The following LPIN1 variants were observed in gnomAD, a reference collection of about 807,000 sequenced individuals.
LPIN1 encodes the protein lipin 1, also known as phosphatidate phosphatase LPIN1.
A neutral mutation model predicts 107.5 loss-of-function variants in LPIN1; 71 were observed. The ratio of observed to expected loss-of-function variants is 0.66; its 90% CI spans 0.55 to 0.80. The LOEUF (loss-of-function observed/expected upper bound fraction) is 0.80. Ranked by LOEUF, LPIN1 falls within the 30% of genes least tolerant of loss-of-function variation. The pLI is 0.00. For missense variants in LPIN1, 1,043 were observed against 1,160.6 expected (o/e 0.90, Z 1.47); for synonymous variants, 445 against 452.6 (o/e 0.98, Z 0.21).
intron 1 of LPIN1, among the ~76,000 whole-genome samples, chr2:11,738,245 G>T (rs958236625): frequency 6.6e-6 from 1 of 151,986 alleles, no homozygotes; most frequent in Non-Finnish European, 1.5e-5. Context: ...GGGAGTGGGG[G>T]GCTAGGGGAG....
intron 5 of LPIN1, among the ~76,000 whole-genome samples, chr2:11,773,999 T>C (rs948591969): frequency 6.6e-6 from 1 of 152,152 alleles, no homozygotes; most frequent in African/African-American, 2.4e-5. Flanking sequence ...AGGAAAAACA[T>C]GTAAATTACA....
chr2:11,682,256 A>C (rs1037911036), intron 1 of LPIN1: 3 of 152,326 alleles, frequency 2.0e-5, no homozygotes, highest in Non-Finnish European at 4.4e-5. Context: ...ATAGGAAACC[A>C]CCTGGAAACC....
intron 1 of LPIN1, among the ~76,000 whole-genome samples, chr2:11,757,460 G>A (rs1002558530): frequency 6.6e-6 from 1 of 152,164 alleles, no homozygotes; most frequent in South Asian, 2.1e-4. Flanking sequence ...CCTTTTACTC[G>A]AAACATAACT....
At chr2:11,735,272 A>G (rs1387696743) in intron 1 of LPIN1, among the ~76,000 whole-genome samples, 5 of 150,318 alleles carry the variant, frequency 3.3e-5, no homozygotes, top group Middle Eastern at 3.2e-3. Flanking sequence ...AGCCCGGCTG[A>G]CAGAGTAAGA....
intron 18 of LPIN1, chr2:11,818,242 A>C (rs1368604064): frequency 6.6e-6 from 1 of 152,242 alleles, no homozygotes; most frequent in Non-Finnish European, 1.5e-5. Flanking sequence ...AATTGCAGTG[A>C]ATCTGTAGAG....
At chr2:11,795,725 T>C (rs1467272760) in intron 14 of LPIN1, among the ~76,000 whole-genome samples, 1 of 152,246 alleles carries the variant, frequency 6.6e-6, no homozygotes, top group African/African-American at 2.4e-5. Context: ...ATAATATAAC[T>C]AGAGCATTTC....
At chr2:11,752,541 C>T (rs1286488687) in intron 1 of LPIN1, among the ~76,000 whole-genome samples, 4 of 145,764 alleles carry the variant, frequency 2.7e-5, no homozygotes, top group East Asian at 2.0e-4. Flanking sequence ...ACGCCATTCT[C>T]CTGCCTCAGC....
intron 1 of LPIN1, among the ~76,000 whole-genome samples, chr2:11,753,740 C>T (rs958445680): frequency 3.9e-5 from 6 of 152,174 alleles, no homozygotes; most frequent in Non-Finnish European, 8.8e-5. Context: ...TCCTCTTTGC[C>T]GTAAGTGTAA....
At chr2:11,760,271 A>C (rs1669576621) in intron 1 of LPIN1, among the ~76,000 whole-genome samples, 1 of 152,180 alleles carries the variant, frequency 6.6e-6, no homozygotes. Flanking sequence ...CTCACTTCCC[A>C]GATGGGGTGG....
At chr2:11,719,439 G>A (rs1189894832), upstream of LPIN1, among the ~76,000 whole-genome samples, 1 of 152,186 alleles carries the variant, frequency 6.6e-6, no homozygotes, top group African/African-American at 2.4e-5. Context: ...CTCCCTCACT[G>A]AAGCCCCCTT....
At chr2:11,685,492 G>A (rs1661959014) in intron 1 of LPIN1, among the ~76,000 whole-genome samples, 1 of 152,194 alleles carries the variant, frequency 6.6e-6, no homozygotes, top group African/African-American at 2.4e-5. Flanking sequence ...GAAGGGTTTT[G>A]AACCATTTAC....
chr2:11,743,877 C>A (rs1666616576), upstream of LPIN1, among the ~76,000 whole-genome samples: 1 of 152,194 alleles, frequency 6.6e-6, no homozygotes, highest in Non-Finnish European at 1.5e-5. The surrounding 1 kb of genome is among the most constrained non-coding windows in gnomAD (Gnocchi z 4.7). Flanking sequence ...TGGACAACTT[C>A]AGAGTTCTCG....
chr2:11,810,184 A>G (rs1679410329), intron 17 of LPIN1, among the ~76,000 whole-genome samples: 1 of 152,116 alleles, frequency 6.6e-6, no homozygotes, highest in Admixed American at 6.5e-5. Flanking sequence ...GGAGACACTT[A>G]GGGCTCCCTG....
chr2:11,791,714 T>C, intron 12 of LPIN1, 200 bp from the exon 13 acceptor site: 1 of 1,430,412 alleles, frequency 7.0e-7, no homozygotes, highest in East Asian at 3.2e-5. Flanking sequence ...TAAGTCTTCA[T>C]GCTTAAGTTA....
chr2:11,777,468 T>C (rs925766147), intron 6 of LPIN1: 2 of 152,088 alleles, frequency 1.3e-5, no homozygotes, highest in Non-Finnish European at 2.9e-5. Flanking sequence ...AACTCTGGAG[T>C]TGGGAATTGC....
At chr2:11,758,768 A>T (rs1669060394) in intron 1 of LPIN1, among the ~76,000 whole-genome samples, 2 of 152,234 alleles carry the variant, frequency 1.3e-5, no homozygotes, top group African/African-American at 4.8e-5. Context: ...GTAGGAAAAT[A>T]CTCCAGACCA....
chr2:11,752,405 A>G (rs1572570829), intron 1 of LPIN1, among the ~76,000 whole-genome samples: 1 of 128,468 alleles, frequency 7.8e-6, no homozygotes. Context: ...TGTTTTGTCC[A>G]TTTTTTCTTT....
In LPIN1 at chr2:11,697,111, C is replaced by A. The variant is rs932861776; in HGVS notation, c.82-16645C>A. ...ATCTGGTGAGAACAGATGCGTAGTCCCGGAGCTCAAGTTCTGGGAAGGGCA... is the reference window on the plus strand; with the variant it reads ...ATCTGGTGAGAACAGATGCGTAGTCACGGAGCTCAAGTTCTGGGAAGGGCA... On this transcript the variant is annotated intron_variant, in intron 1 of 21. Coordinates refer to the LPIN1 transcript ENST00000449576. The surrounding 1 kb of genome is among the most constrained non-coding windows in gnomAD (Gnocchi z 4.6). Among the ~76,000 whole-genome samples, 1 of 152,224 alleles carries A rather than the reference C, an allele frequency of 6.6e-6. No individual in the cohort carries two copies. The highest frequency in any genetic ancestry group is 1.5e-5 in the Non-Finnish European group (1 of 68,040).
At chr2:11,726,316 G>A (rs1181922913) in intron 1 of LPIN1, among the ~76,000 whole-genome samples, 1 of 152,180 alleles carries the variant, frequency 6.6e-6, no homozygotes, top group Non-Finnish European at 1.5e-5. Context: ...AGGCCATGAC[G>A]AATCGGTCTC....
Sources: allele counts gnomAD v4.1 joint callset (sites outside exome capture counted in the v4.1 genomes callset), GRCh38; gene constraint gnomAD v4.1.1; non-coding constraint Gnocchi (gnomAD v3.1); transcripts MANE v1.5; gene names NCBI Gene and HGNC (gene_info 2026-07-23, HGNC 2026-07-21).